The following PLCG2 variants were observed in gnomAD, a reference collection of about 807,000 sequenced individuals.
PLCG2 encodes 1-phosphatidylinositol 4,5-bisphosphate phosphodiesterase gamma-2.
In PLCG2, 69 loss-of-function variants were observed where a neutral mutation model predicts 175.6. That is an observed-to-expected ratio of 0.39 (90% CI 0.32 to 0.48). The LOEUF is 0.48. PLCG2 is among the 20% of genes least tolerant of loss of function. The pLI is 0.91. For missense variants in PLCG2, 1,798 were observed against 1,650.9 expected, an observed-to-expected ratio of 1.09 and a Z score of -1.54; for synonymous variants, 827 against 624.0, an observed-to-expected ratio of 1.33 and a Z score of -4.85.
At chr16:81,864,298 G>A (rs1431868704) in intron 5 of PLCG2, among the ~76,000 whole-genome samples, 1 of 152,182 alleles carries the variant, frequency 6.6e-6, no homozygotes, top group Admixed American at 6.5e-5. Context: ...GCGCTGTCCA[G>A]CAGGGCACCC....
At position 81,870,328 on chromosome 16, in the gene PLCG2, G is replaced by A. The variant is rs78159944; in HGVS notation, c.565-524G>A. 9.0e-3 allele frequency among the ~76,000 whole-genome samples: 1,370 copies of A among 152,296 alleles called. 25 individuals are homozygous for A. Among genetic ancestry groups the A allele is most frequent in the African/African-American group, 0.032 (1,323 of 41,560 alleles). On this transcript the variant is annotated intron_variant, in intron 6 of 32. Transcript: ENST00000564138. ...GTAAAGAAAACTGAGGGTTTGAAAGGGTCAAGGAAATTGCCCAAAGCCATA... is the reference window on the plus strand; with the variant it reads ...GTAAAGAAAACTGAGGGTTTGAAAGAGTCAAGGAAATTGCCCAAAGCCATA...
chr16:81,949,619 CAG>C (rs1486569426), intron 31 of PLCG2, among the ~76,000 whole-genome samples: 1 of 152,040 alleles, frequency 6.6e-6, no homozygotes, highest in Non-Finnish European at 1.5e-5. Flanking sequence ...TTATTTTAGT[CAG>C]AAAAGAAAAC....
chr16:81,940,646 G>A (rs1910902155), intron 30 of PLCG2, among the ~76,000 whole-genome samples: 1 of 152,190 alleles, frequency 6.6e-6, no homozygotes, highest in Admixed American at 6.5e-5. Flanking sequence ...ACCAAGCCAA[G>A]CTGGGTCATA....
In PLCG2 at chr16:81,927,151, T is replaced by A. The variant is rs750680272; in HGVS notation, c.2487T>A (p.Thr829=). ...FPSNYVEDIS[T]ADFEELEKQI... ...CCAACTACGTCGAGGACATCTCAACTGCAGACTTCGAGGAGCTAGAAAAGC... is the reference window on the plus strand; with the variant it reads ...CCAACTACGTCGAGGACATCTCAACAGCAGACTTCGAGGAGCTAGAAAAGC... Residue 829 remains threonine, a synonymous_variant, in exon 23 of 33, where the codon ACT becomes ACA. Transcript: ENST00000564138. 2 of 1,613,318 alleles carry A rather than the reference T, an allele frequency of 1.2e-6. No homozygotes were observed. Among genetic ancestry groups the A allele is most frequent in the Admixed American group, 1.7e-5 (1 of 60,016 alleles).
intron 7 of PLCG2, among the ~76,000 whole-genome samples, chr16:81,871,592 C>G (rs1472337167): frequency 6.6e-6 from 1 of 152,210 alleles, no homozygotes. Context: ...CCCGCCTCCA[C>G]TTCCTAAAGT....
At chr16:81,774,832 C>T (rs1910365034), upstream of PLCG2, among the ~76,000 whole-genome samples, 1 of 151,882 alleles carries the variant, frequency 6.6e-6, no homozygotes, top group South Asian at 2.1e-4. Context: ...GCAACCTCTG[C>T]CTCCTGGGCT....
chr16:81,742,753 G>A (rs553909728), intron 1 of PLCG2, among the ~76,000 whole-genome samples: 39 of 152,136 alleles, frequency 2.6e-4, no homozygotes, highest in Non-Finnish European at 4.9e-4. Flanking sequence ...GCTACGAGAC[G>A]GGAGTGAACA....
Position 81,959,214 on chromosome 16 carries a change from T to G in PLCG2, c.*1216T>G. The G allele has an allele frequency of 4.4e-6, 1 of 225,902 alleles. No homozygotes were observed. Among genetic ancestry groups the G allele is most frequent in the Non-Finnish European group, 8.8e-6 (1 of 113,576 alleles). The allele number at this position is 225,902 out of a possible 1,614,324, so 14.0% of individuals were successfully genotyped here. A position where few individuals can be genotyped will look rare whatever the true frequency, so the allele number is the denominator to read the frequency against. On this transcript the variant is annotated 3_prime_UTR_variant, in exon 33 of 33. Transcript: ENST00000564138. ...TAACTGTGAAAAACGATGGCTGTGG[T>G]GGGGAAGAACAAACCAGCAGTAAGC...
chr16:81,947,735 C>T (rs974809156), intron 31 of PLCG2, among the ~76,000 whole-genome samples: 2 of 152,158 alleles, frequency 1.3e-5, no homozygotes, highest in African/African-American at 4.8e-5. Context: ...TATCAAGTCG[C>T]AGTCCTTTAC....
intron 13 of PLCG2, among the ~76,000 whole-genome samples, chr16:81,900,162 A>G (rs1909085180): frequency 6.6e-6 from 1 of 152,250 alleles, no homozygotes; most frequent in Non-Finnish European, 1.5e-5. Flanking sequence ...AAACCAATAT[A>G]CTTTATAAAT....
At chr16:81,831,152 C>T (rs1351955881) in intron 2 of PLCG2, among the ~76,000 whole-genome samples, 1 of 152,128 alleles carries the variant, frequency 6.6e-6, no homozygotes, top group Non-Finnish European at 1.5e-5. Context: ...CTTTGCTCTT[C>T]TTTGGTTTAG....
At chr16:81,754,044 A>G (rs900003335) in intron 1 of PLCG2, among the ~76,000 whole-genome samples, 7 of 151,986 alleles carry the variant, frequency 4.6e-5, no homozygotes, top group African/African-American at 1.4e-4. Context: ...CGGGGAGAAG[A>G]TTCTAGGAGG....
intron 2 of PLCG2, among the ~76,000 whole-genome samples, chr16:81,822,693 GTTGT>G (rs1904853406): frequency 2.2e-5 from 3 of 137,310 alleles, no homozygotes; most frequent in East Asian, 4.8e-4. Context: ...GGAGGTGAAG[GTTGT>G]AGTGAGTGAA....
chr16:81,835,559 A>G (rs570700236), intron 2 of PLCG2, among the ~76,000 whole-genome samples: 2 of 152,044 alleles, frequency 1.3e-5, no homozygotes, highest in African/African-American at 4.8e-5. Context: ...AGCCTGGGCG[A>G]CAGAGCAAGA....
In PLCG2 at chr16:81,785,082, A is replaced by G. The variant is rs865777655; in HGVS notation, c.-47-861A>G. Among the ~76,000 whole-genome samples the G allele has an allele frequency of 7.2e-5, 11 of 152,192 alleles. No homozygotes were observed. In the South Asian group the frequency reaches 1.9e-3, roughly 26 times the overall value. On this transcript the variant is annotated intron_variant, in intron 1 of 32. Coordinates refer to ENST00000564138, the MANE Select transcript of PLCG2 (RefSeq NM_002661.5). ...GGGGAGAGCAGGATTAGAATAGTTC[A>G]AGTATGAGATCCTAGGAGGAGCCGG...
chr16:81,820,287 T>C (rs541649696), intron 2 of PLCG2, among the ~76,000 whole-genome samples: 1 of 152,298 alleles, frequency 6.6e-6, no homozygotes, highest in Admixed American at 6.5e-5. Context: ...GAGGGTTCCC[T>C]CACTTCCCTC....
In PLCG2 at chr16:81,810,487, T is replaced by A. The variant is rs74029220; in HGVS notation, c.193+24305T>A. On this transcript the variant is annotated intron_variant, in intron 2 of 32. Coordinates refer to ENST00000564138, the MANE Select transcript of PLCG2 (RefSeq NM_002661.5). ...GTTCTGGCCCTTCTGTGGTCATTCT[T>A]GGTGATGCAGACTGGTGAAAAATTT... Among the ~76,000 whole-genome samples the A allele has an allele frequency of 7.6e-3, 1,157 of 152,328 alleles. 19 individuals carry two copies. The highest frequency in any genetic ancestry group is 0.024 in the African/African-American group (1,017 of 41,568).
intron 12 of PLCG2, 82 bp from the exon 13 acceptor site, chr16:81,895,725 A>G (rs935113676): frequency 4.0e-6 from 6 of 1,512,872 alleles, no homozygotes; most frequent in Non-Finnish European, 5.5e-6. Context: ...CTAGTAACTG[A>G]ACTGGTGTGT....
At chr16:81,740,829 G>A (rs1156451230) in intron 1 of PLCG2, among the ~76,000 whole-genome samples, 2 of 150,618 alleles carry the variant, frequency 1.3e-5, no homozygotes, top group African/African-American at 2.4e-5. Context: ...TGGGGCTGTG[G>A]TCAGCATCCC....
Sources: allele counts gnomAD v4.1 joint callset (sites outside exome capture counted in the v4.1 genomes callset), GRCh38; gene constraint gnomAD v4.1.1; transcripts MANE v1.5; gene names NCBI Gene and HGNC (gene_info 2026-07-23, HGNC 2026-07-21).